WWOX: variants seen among roughly 807,000 people sequenced by gnomAD.
WWOX encodes the protein WW domain-containing oxidoreductase.
A neutral mutation model predicts 46.2 loss-of-function variants in WWOX; 69 were observed. The observed-to-expected ratio is 1.49, with a 90% CI of 1.23 to 1.82. WWOX has a LOEUF of 1.82. Ranked by LOEUF, WWOX falls within the 40% of genes most tolerant of loss-of-function variation. The pLI is 0.00. For missense variants in WWOX, 919 were observed against 542.6 expected (o/e 1.69, Z -6.89); for synonymous variants, 359 against 202.6 (o/e 1.77, Z -6.56).
At chr16:78,617,671 T>G (rs1165861272) in intron 8 of WWOX, among the ~76,000 whole-genome samples, 1 of 152,122 alleles carries the variant, frequency 6.6e-6, no homozygotes, top group Non-Finnish European at 1.5e-5. Flanking sequence ...TGCATGGCGC[T>G]CAGGTATTCC....
At chr16:78,218,941 C>G (rs989474233) in intron 5 of WWOX, among the ~76,000 whole-genome samples, 3 of 152,230 alleles carry the variant, frequency 2.0e-5, no homozygotes, top group African/African-American at 7.2e-5. Context: ...CAATTAGATG[C>G]TTCACAATTT....
chr16:78,820,879 G>A (rs1310785837), intron 8 of WWOX, among the ~76,000 whole-genome samples: 1 of 152,030 alleles, frequency 6.6e-6, no homozygotes, highest in Non-Finnish European at 1.5e-5. Flanking sequence ...ATGTCCCTTG[G>A]CTTGGAAACA....
At chr16:79,017,018 A>G (rs959965805) in intron 8 of WWOX, 1 of 152,188 alleles carries the variant, frequency 6.6e-6, no homozygotes, top group Non-Finnish European at 1.5e-5. Flanking sequence ...ATCACCTTCA[A>G]AGCTTAATTA....
chr16:78,874,615 A>G (rs1223121838), intron 8 of WWOX, among the ~76,000 whole-genome samples: 1 of 150,276 alleles, frequency 6.7e-6, no homozygotes, highest in Non-Finnish European at 1.5e-5. Context: ...ACTTAAAGAC[A>G]TGTTGGCAAT....
intron 8 of WWOX, among the ~76,000 whole-genome samples, chr16:79,001,948 A>G (rs1202165131): frequency 6.6e-6 from 1 of 152,130 alleles, no homozygotes; most frequent in Non-Finnish European, 1.5e-5. Flanking sequence ...AGAAAAAAAG[A>G]TGTAAGCTTT....
chr16:78,802,944 AAC>A (rs905967834), intron 8 of WWOX, among the ~76,000 whole-genome samples: 424 of 20,600 alleles, frequency 0.021, 103 homozygotes, highest in African/African-American at 0.054. Context: ...AAAAAAAAAC[AAC>A]AAACAGAAAA....
chr16:78,138,883 A>G (rs1412427809), intron 4 of WWOX, among the ~76,000 whole-genome samples: 1 of 152,138 alleles, frequency 6.6e-6, no homozygotes, highest in African/African-American at 2.4e-5. Flanking sequence ...TCTATTACCT[A>G]CAGCTGCTCA....
intron 8 of WWOX, among the ~76,000 whole-genome samples, chr16:78,473,856 C>T (rs1241254728): frequency 1.3e-5 from 2 of 152,186 alleles, no homozygotes; most frequent in Non-Finnish European, 2.9e-5. Context: ...ATGCCTAGTC[C>T]TTGCAGCACA....
At chr16:78,120,336 C>T (rs113781151) in intron 4 of WWOX, among the ~76,000 whole-genome samples, 1,799 of 152,148 alleles carry the variant, frequency 0.012, 43 homozygotes, top group African/African-American at 0.041. Flanking sequence ...TTTGAGAGGC[C>T]GAGGCGGGTG....
intron 8 of WWOX, among the ~76,000 whole-genome samples, chr16:78,957,002 G>C (rs565940799): frequency 3.3e-5 from 5 of 152,032 alleles, no homozygotes; most frequent in Non-Finnish European, 7.3e-5. Context: ...CTGGCAGCTT[G>C]AGGACTCCGT....
At chr16:78,326,859 G>C (rs2080634923) in intron 5 of WWOX, among the ~76,000 whole-genome samples, 1 of 151,906 alleles carries the variant, frequency 6.6e-6, no homozygotes, top group South Asian at 2.1e-4. Flanking sequence ...CAGTATCTGG[G>C]GCTTTTTCGG....
chr16:78,673,430 T>G (rs2047514553), intron 8 of WWOX, among the ~76,000 whole-genome samples: 1 of 152,162 alleles, frequency 6.6e-6, no homozygotes, highest in Admixed American at 6.5e-5. Context: ...TGAACACTGT[T>G]GATCATCGGT....
chr16:78,262,770 C>G (rs1011425148), intron 5 of WWOX, among the ~76,000 whole-genome samples: 1 of 152,236 alleles, frequency 6.6e-6, no homozygotes, highest in African/African-American at 2.4e-5. Context: ...TGCTAAGACT[C>G]GGATCTTTAA....
intron 8 of WWOX, among the ~76,000 whole-genome samples, chr16:79,046,983 C>A (rs1417309575): frequency 6.6e-6 from 1 of 152,188 alleles, no homozygotes; most frequent in Non-Finnish European, 1.5e-5. Context: ...AGCTACCTGA[C>A]CCCGTGGTTT....
At chr16:78,776,840 C>T (rs1005154910) in intron 8 of WWOX, among the ~76,000 whole-genome samples, 1 of 152,020 alleles carries the variant, frequency 6.6e-6, no homozygotes, top group Non-Finnish European at 1.5e-5. Flanking sequence ...CATCAGATCG[C>T]GTAAGAACTC....
chr16:78,384,336 G>T (rs983682449), intron 5 of WWOX, among the ~76,000 whole-genome samples: 4 of 152,174 alleles, frequency 2.6e-5, no homozygotes, highest in African/African-American at 9.7e-5. Context: ...GGATGAGGAT[G>T]AAAGGTCACT....
intron 8 of WWOX, among the ~76,000 whole-genome samples, chr16:78,698,746 C>T (rs996203427): frequency 6.6e-6 from 1 of 152,116 alleles, no homozygotes; most frequent in Non-Finnish European, 1.5e-5. Context: ...GAGACTGAGG[C>T]AGGAGGATTG....
chr16:78,189,372 A>T (rs899903033), intron 5 of WWOX, among the ~76,000 whole-genome samples: 4 of 152,148 alleles, frequency 2.6e-5, no homozygotes, highest in Admixed American at 1.3e-4. Flanking sequence ...TGCTCTGATG[A>T]TGTAACATGG....
intron 8 of WWOX, among the ~76,000 whole-genome samples, chr16:78,651,162 A>G (rs1407971940): frequency 6.6e-6 from 1 of 152,092 alleles, no homozygotes; most frequent in East Asian, 1.9e-4. Context: ...AAGTTTTCTT[A>G]TATTTTAAGC....
Sources: allele counts gnomAD v4.1 joint callset (sites outside exome capture counted in the v4.1 genomes callset), GRCh38; gene constraint gnomAD v4.1.1; transcripts MANE v1.5; gene names NCBI Gene and HGNC (gene_info 2026-07-23, HGNC 2026-07-21).